MAGI1: variants seen among roughly 807,000 people sequenced by gnomAD.
MAGI1 encodes membrane-associated guanylate kinase, WW and PDZ domain-containing protein 1.
MAGI1 carries 58 observed loss-of-function variants against 139.9 expected under a neutral mutation model. The observed-to-expected ratio is 0.41, with a 90% CI of 0.34 to 0.52. The LOEUF (loss-of-function observed/expected upper bound fraction) is 0.52, where lower values mean the gene tolerates loss of function less well. Among genes scored for constraint, MAGI1 ranks in the 20% least tolerant of loss-of-function variants. The probability of loss-of-function intolerance (pLI) is 0.12; values close to 1 mark genes in which losing one functional copy is unlikely to be tolerated. For missense variants in MAGI1, 1,874 were observed against 1,901.6 expected (o/e 0.99, Z 0.27); for synonymous variants, 812 against 737.9 (o/e 1.10, Z -1.63).
At chr3:65,458,879 C>G (rs574435194) in intron 5 of MAGI1, among the ~76,000 whole-genome samples, 9 of 152,166 alleles carry the variant, frequency 5.9e-5, no homozygotes, top group Non-Finnish European at 8.8e-5. Context: ...TCTTTGCCCA[C>G]TCTCATGTCC....
chr3:65,996,548 G>A (rs1189391455), intron 1 of MAGI1, among the ~76,000 whole-genome samples: 2 of 151,730 alleles, frequency 1.3e-5, no homozygotes, highest in Non-Finnish European at 1.5e-5. Flanking sequence ...TAAGGGGGGG[G>A]GGGGGGAAGC....
intron 1 of MAGI1, among the ~76,000 whole-genome samples, chr3:65,753,932 G>A (rs890643018): frequency 6.6e-6 from 1 of 152,110 alleles, no homozygotes; most frequent in Admixed American, 6.5e-5. Context: ...CATGGGAAAG[G>A]ACCACACAGC....
intron 10 of MAGI1, among the ~76,000 whole-genome samples, chr3:65,432,831 C>T (rs1947564487): frequency 6.6e-6 from 1 of 152,058 alleles, no homozygotes; most frequent in African/African-American, 2.4e-5. Flanking sequence ...ATTCCAGGGC[C>T]CTGAAGGGAA....
At chr3:65,359,249 G>C in intron 22 of MAGI1, 1 of 1,546,120 alleles carries the variant, frequency 6.5e-7, no homozygotes, top group Non-Finnish European at 8.7e-7. Flanking sequence ...TAACACAGAG[G>C]AAAGAAAAAA....
intron 1 of MAGI1, among the ~76,000 whole-genome samples, chr3:65,981,824 G>A (rs2065597272): frequency 6.6e-6 from 1 of 152,128 alleles, no homozygotes; most frequent in African/African-American, 2.4e-5. Flanking sequence ...CCATGAGTGT[G>A]CCGCCTCCCC....
At chr3:65,845,385 T>C (rs1308167415) in intron 1 of MAGI1, among the ~76,000 whole-genome samples, 1 of 152,146 alleles carries the variant, frequency 6.6e-6, no homozygotes, top group Non-Finnish European at 1.5e-5. Context: ...TCACTTACTA[T>C]ACATGTCAAC....
At chr3:65,793,248 G>A (rs1443376237) in intron 1 of MAGI1, among the ~76,000 whole-genome samples, 4 of 152,164 alleles carry the variant, frequency 2.6e-5, no homozygotes, top group African/African-American at 2.4e-5. Context: ...AGTTTAGCCA[G>A]GATAGATGGA....
chr3:65,847,540 A>G (rs2059048296), intron 1 of MAGI1, among the ~76,000 whole-genome samples: 1 of 152,226 alleles, frequency 6.6e-6, no homozygotes, highest in Non-Finnish European at 1.5e-5. Context: ...ATATGGAGAT[A>G]GTCTCATCTC....
intron 2 of MAGI1, among the ~76,000 whole-genome samples, chr3:65,516,403 C>A (rs1347661692): frequency 6.6e-6 from 1 of 152,130 alleles, no homozygotes; most frequent in Non-Finnish European, 1.5e-5. Flanking sequence ...TGGTCTCGAT[C>A]TCTTGACCTT....
intron 2 of MAGI1, among the ~76,000 whole-genome samples, chr3:65,613,082 G>C (rs1336192212): frequency 1.3e-5 from 2 of 152,114 alleles, no homozygotes; most frequent in Non-Finnish European, 2.9e-5. Flanking sequence ...GGTGATTGCA[G>C]GCAGAAAAAT....
At chr3:65,656,017 C>T (rs2085855072) in intron 1 of MAGI1, among the ~76,000 whole-genome samples, 1 of 152,298 alleles carries the variant, frequency 6.6e-6, no homozygotes, top group Middle Eastern at 3.4e-3. Flanking sequence ...TTGTGTCAGA[C>T]ATTAGTGCTG....
chr3:65,360,351 CTTTTT>C (rs533416565), intron 22 of MAGI1: 5 of 910,834 alleles, frequency 5.5e-6, no homozygotes, highest in Admixed American at 1.4e-4. Flanking sequence ...ATAGCTTCTT[CTTTTT>C]TTTTTTTTTT....
At chr3:65,397,568 T>C (rs1023444286) in intron 13 of MAGI1, among the ~76,000 whole-genome samples, 1 of 152,000 alleles carries the variant, frequency 6.6e-6, no homozygotes, top group African/African-American at 2.4e-5. Context: ...CTCTTGTCTC[T>C]TTAGTGAATA....
intron 2 of MAGI1, among the ~76,000 whole-genome samples, chr3:65,570,248 T>G (rs1325858682): frequency 1.3e-5 from 2 of 151,712 alleles, no homozygotes; most frequent in Non-Finnish European, 2.9e-5. Flanking sequence ...ACTACAGACA[T>G]GCACCACTAT....
chr3:65,628,189 T>C (rs1009245176), intron 1 of MAGI1, among the ~76,000 whole-genome samples: 11 of 152,092 alleles, frequency 7.2e-5, no homozygotes, highest in African/African-American at 2.7e-4. Context: ...AATTTGCCTT[T>C]CCATAAATAG....
At chr3:66,034,324 G>C (rs955607008) in intron 1 of MAGI1, among the ~76,000 whole-genome samples, 6 of 152,192 alleles carry the variant, frequency 3.9e-5, no homozygotes, top group African/African-American at 1.2e-4. Context: ...TTTGGAATCA[G>C]ACAGAGCTGG....
Position 65,646,871 on chromosome 3 carries a change from T to C in MAGI1, c.314-24783A>G, listed in dbSNP as rs557760198. Among the ~76,000 whole-genome samples, 6 of 152,060 alleles carry C rather than the reference T, an allele frequency of 3.9e-5. No homozygotes were observed. In the East Asian group the frequency reaches 1.2e-3, roughly 29 times the overall value. ...TAAATAAAAAAACAACGTGTCAAAA[T>C]TGTACAATTACACGTAAAGCAGTGC... On this transcript the variant is annotated intron_variant, in intron 1 of 22. Transcript: ENST00000402939.
intron 1 of MAGI1, among the ~76,000 whole-genome samples, chr3:65,872,014 G>GTTCT (rs1324528052): frequency 1.3e-5 from 2 of 152,166 alleles, no homozygotes; most frequent in African/African-American, 4.8e-5. Context: ...ACTTATCAGA[G>GTTCT]TTCTCGCTCT....
chr3:65,521,786 A>T (rs1486356246), intron 2 of MAGI1, among the ~76,000 whole-genome samples: 2 of 152,212 alleles, frequency 1.3e-5, no homozygotes, highest in Non-Finnish European at 2.9e-5. Context: ...ATAGGATAAC[A>T]ATCAGAAAAC....
Sources: gnomAD v4.1 joint callset for allele counts (sites outside exome capture counted in the v4.1 genomes callset) on GRCh38, gnomAD v4.1.1 for gene constraint, MANE v1.5 for transcripts, NCBI Gene and HGNC (gene_info 2026-07-23, HGNC 2026-07-21) for gene names.